Variants in MYO16 observed in about 807,000 individuals in gnomAD.
MYO16 encodes unconventional myosin-XVI.
In MYO16, 94 loss-of-function variants were observed where a neutral mutation model predicts 205.3. The observed-to-expected ratio is 0.46, with a 90% confidence interval of 0.39 to 0.54. The LOEUF (loss-of-function observed/expected upper bound fraction) is 0.54, where lower values mean the gene tolerates loss of function less well. MYO16 is among the 20% of genes least tolerant of loss of function. The probability of loss-of-function intolerance (pLI) is 0.00; values close to 1 mark genes in which losing one functional copy is unlikely to be tolerated. For missense variants in MYO16, 2,315 were observed against 2,387.5 expected (o/e 0.97, Z 0.63); for synonymous variants, 988 against 954.0 (o/e 1.04, Z -0.66).
At chr13:108,652,839 C>G (rs1881072421) in intron 1 of MYO16, among the ~76,000 whole-genome samples, 1 of 152,174 alleles carries the variant, frequency 6.6e-6, no homozygotes, top group South Asian at 2.1e-4. Flanking sequence ...TTGAATAGAG[C>G]TTTTGTAAAC....
At chr13:108,501,589 A>G in the MYO16 span, among the ~76,000 whole-genome samples, 1 of 152,232 alleles carries the variant, frequency 6.6e-6, no homozygotes, top group African/African-American at 2.4e-5. Context: ...CTTTTAAAAG[A>G]AGAAAACTGG....
chr13:108,727,647 A>C, intron 4 of MYO16, 64 bp downstream of exon 4: 1 of 1,521,878 alleles, frequency 6.6e-7, no homozygotes, highest in Non-Finnish European at 8.9e-7. Flanking sequence ...TATATATTTA[A>C]CTAATGCTAT....
chr13:108,850,960 G>C (rs972084485), intron 10 of MYO16, among the ~76,000 whole-genome samples: 3 of 152,144 alleles, frequency 2.0e-5, no homozygotes, highest in Non-Finnish European at 4.4e-5. Flanking sequence ...GCTGTTCCAG[G>C]CTTGCTGGAA....
chr13:108,810,317 G>C (rs192017200), intron 7 of MYO16, among the ~76,000 whole-genome samples: 1 of 152,106 alleles, frequency 6.6e-6, no homozygotes, highest in African/African-American at 2.4e-5. Context: ...CACTGTGCTA[G>C]CCCATTGTCC....
chr13:108,511,248 T>G, the MYO16 span, among the ~76,000 whole-genome samples: 2 of 138,678 alleles, frequency 1.4e-5, 1 homozygote, highest in Non-Finnish European at 3.1e-5. Context: ...TCTTCGTGTG[T>G]TTTTTGGCTG....
At chr13:108,981,642 A>G (rs1884450899) in intron 20 of MYO16, among the ~76,000 whole-genome samples, 1 of 152,258 alleles carries the variant, frequency 6.6e-6, no homozygotes, top group East Asian at 1.9e-4. Context: ...TCAGCTGGCC[A>G]ATTGCGGGGC....
intron 21 of MYO16, among the ~76,000 whole-genome samples, chr13:109,000,027 T>C (rs891333691): frequency 6.6e-6 from 1 of 152,314 alleles, no homozygotes; most frequent in Non-Finnish European, 1.5e-5. Flanking sequence ...GAGGTGTATC[T>C]TTTTCATTGT....
intron 21 of MYO16, among the ~76,000 whole-genome samples, chr13:109,004,658 A>G (rs959042461): frequency 2.6e-5 from 4 of 152,206 alleles, no homozygotes; most frequent in Admixed American, 6.5e-5. Flanking sequence ...CCTGTAGGAT[A>G]AGATAAACAT....
intron 20 of MYO16, among the ~76,000 whole-genome samples, chr13:108,987,591 T>C: frequency 6.6e-6 from 1 of 152,246 alleles, no homozygotes; most frequent in Non-Finnish European, 1.5e-5. Context: ...CACTAGCCTC[T>C]ATGTACGTGC....
intron 23 of MYO16, among the ~76,000 whole-genome samples, chr13:109,033,570 A>G (rs890397577): frequency 6.6e-6 from 1 of 152,200 alleles, no homozygotes; most frequent in Non-Finnish European, 1.5e-5. Flanking sequence ...AAAATTATTG[A>G]GGTCCATCAG....
chr13:108,865,021 G>A lies in MYO16; in HGVS notation c.1360-1156G>A, dbSNP rs372945666. On this transcript the variant is annotated intron_variant, in intron 11 of 34. Coordinates refer to ENST00000457511, the MANE Select transcript of MYO16 (RefSeq NM_001198950.3). Reference sequence around the variant, plus strand: ...TTAAAAAAAGGGAAAGCATTTATTCGGATTTAGTTTTCTGGTGGGTGACAT... The same window carrying A: ...TTAAAAAAAGGGAAAGCATTTATTCAGATTTAGTTTTCTGGTGGGTGACAT... 7.2e-5 allele frequency among the ~76,000 whole-genome samples: 11 copies of A among 152,024 alleles called. No individual in the cohort carries two copies. The South Asian group carries it at 8.3e-4, about 12-fold the overall frequency.
At chr13:108,571,559 A>G in the MYO16 span, among the ~76,000 whole-genome samples, 1 of 152,106 alleles carries the variant, frequency 6.6e-6, no homozygotes, top group Non-Finnish European at 1.5e-5. Context: ...GGAAAACGAA[A>G]TGAGAGTGCA....
intron 4 of MYO16, among the ~76,000 whole-genome samples, chr13:108,748,744 A>G (rs1358934106): frequency 6.6e-6 from 1 of 152,166 alleles, no homozygotes; most frequent in Non-Finnish European, 1.5e-5. Flanking sequence ...ATTTTTAAAT[A>G]AACAGTCCTG....
At chr13:109,122,079 A>G (rs1164935417) in intron 29 of MYO16, among the ~76,000 whole-genome samples, 3 of 152,188 alleles carry the variant, frequency 2.0e-5, no homozygotes, top group African/African-American at 4.8e-5. Context: ...CAACATCGCC[A>G]GGGATCTGGC....
At chr13:109,123,286 A>G (rs1490861955) in intron 29 of MYO16, among the ~76,000 whole-genome samples, 1 of 152,202 alleles carries the variant, frequency 6.6e-6, no homozygotes, top group African/African-American at 2.4e-5. Context: ...CGGAGGCGGG[A>G]CAATAGACTC....
chr13:108,651,277 A>T (rs1314551817), intron 1 of MYO16, among the ~76,000 whole-genome samples: 2 of 152,198 alleles, frequency 1.3e-5, no homozygotes, highest in African/African-American at 4.8e-5. Flanking sequence ...ACACTCTGTC[A>T]GCCATAGGTT....
At chr13:108,638,116 T>C (rs1275936953) in intron 1 of MYO16, among the ~76,000 whole-genome samples, 1 of 152,048 alleles carries the variant, frequency 6.6e-6, no homozygotes, top group Non-Finnish European at 1.5e-5. Context: ...GGAAAATCAC[T>C]CTCAAGAAGT....
At chr13:109,173,956 G>GGGT (rs1566548416) in intron 33 of MYO16, among the ~76,000 whole-genome samples, 8 of 143,774 alleles carry the variant, frequency 5.6e-5, no homozygotes, top group African/African-American at 2.1e-4. Flanking sequence ...ATGGGGGGGG[G>GGGT]TACTCTCTGC....
At chr13:109,085,631 A>G (rs1888416257) in intron 27 of MYO16, among the ~76,000 whole-genome samples, 2 of 152,234 alleles carry the variant, frequency 1.3e-5, no homozygotes, top group South Asian at 4.1e-4. Context: ...TTTTTAAGTC[A>G]TTCATTCCTA....
Sources: allele counts gnomAD v4.1 joint callset (sites outside exome capture counted in the v4.1 genomes callset), GRCh38; gene constraint gnomAD v4.1.1; transcripts MANE v1.5; gene names NCBI Gene and HGNC (gene_info 2026-07-23, HGNC 2026-07-21).